Variants in ZNF704 observed in about 807,000 individuals in gnomAD.
ZNF704 encodes zinc finger protein 704.
Under a neutral mutation model 44.7 loss-of-function variants are expected in ZNF704, and 10 were observed. That is an observed-to-expected ratio of 0.22 (90% CI 0.14 to 0.38). The LOEUF (loss-of-function observed/expected upper bound fraction) is 0.38, where lower values mean the gene tolerates loss of function less well. ZNF704 is among the 10% of genes least tolerant of loss of function. ZNF704 has a pLI of 1.00. For synonymous variants in ZNF704, 211 were observed against 207.6 expected (o/e 1.02, Z -0.14); for missense variants, 390 against 545.5 (o/e 0.71, Z 2.84).
chr8:80,635,566 A>T lies in ZNF704; in HGVS notation c.*5800T>A, dbSNP rs570824132. ...ACTATGATTTTAGAAATTTCCACCA[A>T]ATGATACTTGCTAGTTAAATGCAAG... is the stretch of plus-strand genomic sequence containing the variant. On this transcript the variant is annotated 3_prime_UTR_variant, in exon 9 of 9. Coordinates refer to ENST00000327835, the MANE Select transcript of ZNF704 (RefSeq NM_001033723.3). 2 of 152,192 alleles carry T rather than the reference A, an allele frequency of 1.3e-5. No homozygotes were observed. The highest frequency in any genetic ancestry group is 3.8e-4 in the East Asian group (2 of 5,200). 9.4% of individuals were successfully genotyped at this position (152,192 alleles called of 1,614,324 possible).
chr8:80,850,199 C>A (rs573339308), intron 1 of ZNF704, among the ~76,000 whole-genome samples: 1 of 152,030 alleles, frequency 6.6e-6, no homozygotes, highest in African/African-American at 2.4e-5. Context: ...ATGTTACATG[C>A]TTGGTATGGA....
At position 80,628,817 on chromosome 8, in the gene ZNF704, G is replaced by T. The variant is rs751774059; in HGVS notation, c.*12549C>A. 1.2e-4 allele frequency: 19 copies of T among 152,208 alleles called. No individual in the cohort carries two copies. Among genetic ancestry groups the T allele is most frequent in the Admixed American group, 2.0e-4 (3 of 15,286 alleles). The allele number at this position is 152,208 out of a possible 1,614,324, so 9.4% of individuals were successfully genotyped here. A position where few individuals can be genotyped will look rare whatever the true frequency, so the allele number is the denominator to read the frequency against. On this transcript the variant is annotated 3_prime_UTR_variant, in exon 9 of 9. Coordinates refer to ENST00000327835, the MANE Select transcript of ZNF704 (RefSeq NM_001033723.3). ...TGTAGCAAATCCTTAACTCTGGGGG[G>T]ACAGAGCCACTTCTGCATTTTACAC...
intron 2 of ZNF704, among the ~76,000 whole-genome samples, chr8:80,742,353 A>G (rs1170503475): frequency 2.6e-5 from 4 of 152,210 alleles, no homozygotes; most frequent in Non-Finnish European, 5.9e-5. Flanking sequence ...ATGGCTAGCC[A>G]CGAAAGAAGG....
rs1045175451 is a variant in ZNF704, at chr8:80,655,331, T to TA, written c.1032+4253dup. On this transcript the variant is annotated intron_variant, in intron 7 of 8. Transcript: ENST00000327835. ...GCACATGTACCCTAAAACTTTAATT[T>TA]AAAAAAAAGAACAAAAACAAAACGT... Among the ~76,000 whole-genome samples, 7 of 150,330 alleles carry TA rather than the reference T, an allele frequency of 4.7e-5. 1 individual carries two copies. The highest frequency in any genetic ancestry group is 2.7e-4 in the Admixed American group (4 of 15,042).
chr8:80,772,174 C>A (rs1807331576), intron 2 of ZNF704, among the ~76,000 whole-genome samples: 1 of 152,044 alleles, frequency 6.6e-6, no homozygotes, highest in Middle Eastern at 3.4e-3. Flanking sequence ...TCTCTGTATT[C>A]TTATTTTTTT....
chr8:80,684,057 A>G (rs566590136), intron 4 of ZNF704, among the ~76,000 whole-genome samples: 20 of 152,366 alleles, frequency 1.3e-4, no homozygotes, highest in African/African-American at 4.8e-4. Flanking sequence ...TTTAATCTTC[A>G]TAACTATCCT....
chr8:80,879,231 T>C (rs1038731249), upstream of ZNF704, among the ~76,000 whole-genome samples: 3 of 122,260 alleles, frequency 2.5e-5, no homozygotes, highest in East Asian at 7.3e-4. Context: ...TGTTAAGAAA[T>C]GCATGTCAAT....
intron 3 of ZNF704, 45 bp downstream of exon 3, chr8:80,692,959 T>C: frequency 1.9e-6 from 3 of 1,545,496 alleles, no homozygotes; most frequent in Non-Finnish European, 2.7e-6. Context: ...GGCCCTGCTC[T>C]TGGTGTCAAG....
intron 2 of ZNF704, among the ~76,000 whole-genome samples, chr8:80,742,386 A>T (rs913131333): frequency 3.3e-5 from 5 of 152,188 alleles, no homozygotes; most frequent in African/African-American, 1.2e-4. Flanking sequence ...GCCTGCAGCT[A>T]ACCAATGGAA....
chr8:80,735,214 T>C (rs757404380), intron 2 of ZNF704, among the ~76,000 whole-genome samples: 6 of 152,252 alleles, frequency 3.9e-5, no homozygotes, highest in Non-Finnish European at 8.8e-5. Context: ...TTTGCTGTTG[T>C]GATTCTCTTC....
At chr8:80,723,772 AT>A (rs1238378660) in intron 2 of ZNF704, among the ~76,000 whole-genome samples, 1 of 152,238 alleles carries the variant, frequency 6.6e-6, no homozygotes, top group Non-Finnish European at 1.5e-5. Context: ...CTTGCAGAGG[AT>A]TCATGAGCAA....
chr8:80,861,315 C>A (rs1809057609), intron 1 of ZNF704, among the ~76,000 whole-genome samples: 1 of 152,188 alleles, frequency 6.6e-6, no homozygotes, highest in African/African-American at 2.4e-5. Context: ...CTGGATTCTT[C>A]CTTTCCCTTA....
intron 1 of ZNF704, among the ~76,000 whole-genome samples, chr8:80,857,782 A>C (rs1191521445): frequency 1.3e-5 from 2 of 152,178 alleles, no homozygotes; most frequent in African/African-American, 4.8e-5. Flanking sequence ...GATTTTTGTA[A>C]GATTGGTATT....
intron 7 of ZNF704, among the ~76,000 whole-genome samples, chr8:80,645,853 C>T (rs1461832956): frequency 6.6e-6 from 1 of 152,126 alleles, no homozygotes; most frequent in Non-Finnish European, 1.5e-5. Flanking sequence ...AATTTTAATG[C>T]TATGGCTTGA....
At chr8:80,824,107 A>T (rs1808327568) in intron 1 of ZNF704, among the ~76,000 whole-genome samples, 1 of 152,218 alleles carries the variant, frequency 6.6e-6, no homozygotes, top group African/African-American at 2.4e-5. Context: ...GCTTCAGATG[A>T]TTGGTAGTAA....
intron 1 of ZNF704, among the ~76,000 whole-genome samples, chr8:80,849,073 G>A (rs1029610722): frequency 6.6e-6 from 1 of 152,260 alleles, no homozygotes; most frequent in East Asian, 1.9e-4. Context: ...AGGATACATG[G>A]AATAAATATT....
At chr8:80,860,835 C>T (rs1453168240) in intron 1 of ZNF704, among the ~76,000 whole-genome samples, 1 of 152,150 alleles carries the variant, frequency 6.6e-6, no homozygotes, top group East Asian at 1.9e-4. Flanking sequence ...AATCCATACC[C>T]CAATGATTGA....
chr8:80,838,406 CCTTT>C (rs1004709695), intron 1 of ZNF704, among the ~76,000 whole-genome samples: 19 of 152,220 alleles, frequency 1.2e-4, no homozygotes, highest in African/African-American at 4.3e-4. Context: ...CCAACTGAAT[CCTTT>C]CTTTCAGGAA....
chr8:80,649,481 C>T (rs1052525857), intron 7 of ZNF704, among the ~76,000 whole-genome samples: 4 of 152,186 alleles, frequency 2.6e-5, no homozygotes, highest in East Asian at 1.9e-4. Flanking sequence ...CTGCGCTTTT[C>T]CAACAGTCTT....
Sources: gnomAD v4.1 joint callset for allele counts (sites outside exome capture counted in the v4.1 genomes callset) on GRCh38, gnomAD v4.1.1 for gene constraint, MANE v1.5 for transcripts, NCBI Gene and HGNC (gene_info 2026-07-23, HGNC 2026-07-21) for gene names.